Variants in AGPAT2 observed in about 807,000 individuals in gnomAD.
AGPAT2 encodes 1-acylglycerol-3-phosphate O-acyltransferase 2.
Under a neutral mutation model 26.1 loss-of-function variants are expected in AGPAT2, and 18 were observed. The observed-to-expected ratio is 0.69, with a 90% CI of 0.48 to 1.02. The LOEUF is 1.02. Among genes scored for constraint, AGPAT2 ranks in the 50% least tolerant of loss-of-function variants. The pLI, the probability that AGPAT2 is intolerant of heterozygous loss-of-function variation, is 0.00. For missense variants in AGPAT2, 415 were observed against 394.9 expected (o/e 1.05, Z -0.43); for synonymous variants, 200 against 174.2 (o/e 1.15, Z -1.16).
intron 1 of AGPAT2, among the ~76,000 whole-genome samples, chr9:136,685,994 C>T (rs1478138257): frequency 6.6e-6 from 1 of 152,224 alleles, no homozygotes; most frequent in Non-Finnish European, 1.5e-5. Flanking sequence ...GGACCCCGGC[C>T]TGGGCCACCT....
chr9:136,673,840 C>CGGTGGCA lies in AGPAT2; in HGVS notation c.742_748dup (p.Arg250LeufsTer229). 2 of 1,606,214 alleles carry CGGTGGCA rather than the reference C, an allele frequency of 1.2e-6. No individual in the cohort carries two copies. The highest frequency in any genetic ancestry group is 1.7e-6 in the Non-Finnish European group (2 of 1,177,994). ...GTGGAGGAAGGTGGTCCTCATGGCC[C>CGGTGGCA]GGTGGCAGGTGTCCACGAGCGCAGG... On this transcript the variant is annotated frameshift_variant, in exon 6 of 6. Coordinates refer to ENST00000371696, the MANE Select transcript of AGPAT2 (RefSeq NM_006412.4). LOFTEE classifies it low-confidence loss of function (END_TRUNC).
intron 3 of AGPAT2, 47 bp downstream of exon 3, chr9:136,676,914 G>GCCCCCCC: frequency 1.7e-6 from 1 of 578,420 alleles, no homozygotes; most frequent in Non-Finnish European, 3.1e-6. Flanking sequence ...GCCTGGCCCC[G>GCCCCCCC]CCCAGGCCCC....
chr9:136,681,456 G>A (rs906293490), intron 1 of AGPAT2, among the ~76,000 whole-genome samples: 33 of 152,254 alleles, frequency 2.2e-4, no homozygotes, highest in Admixed American at 1.4e-3. Flanking sequence ...GCGGTGTCCC[G>A]TACATAGTTC....
chr9:136,683,902 A>C (rs1846191356), intron 1 of AGPAT2, among the ~76,000 whole-genome samples: 1 of 152,196 alleles, frequency 6.6e-6, no homozygotes, highest in African/African-American at 2.4e-5. Flanking sequence ...ACTGGCCGGC[A>C]AATCTGGGTC....
In AGPAT2 at chr9:136,687,431, G is replaced by A; in HGVS notation, c.-74C>T. On this transcript the variant is annotated 5_prime_UTR_variant, in exon 1 of 6. Transcript: ENST00000371696. ...TCCCGCTTCTCCCCCGCGCGCTCAG[G>A]CCCCTTATTGCGAGGGCGGCGGGGC... 2 of 1,266,416 alleles carry A rather than the reference G, an allele frequency of 1.6e-6. No homozygotes were observed. Among genetic ancestry groups the A allele is most frequent in the Non-Finnish European group, 2.0e-6 (2 of 989,322 alleles). 78.4% of individuals were successfully genotyped at this position (1,266,416 alleles called of 1,614,324 possible).
At position 136,676,457 on chromosome 9, in the gene AGPAT2, A is replaced by G. The variant is rs17848857; in HGVS notation, c.588+128T>C. ...AAGGGGCAAGGAGGCCCTGTCCCCA[A>G]CTCAGTGGGAGGAGTCCCTTGTGTG... is the stretch of plus-strand genomic sequence containing the variant. On this transcript the variant is annotated intron_variant, in intron 4 of 5. Transcript: ENST00000371696. 1.3e-4 allele frequency: 95 copies of G among 733,180 alleles called. 1 individual carries two copies. In the East Asian group the frequency reaches 2.4e-3, roughly 18 times the overall value. 45.4% of individuals were successfully genotyped at this position (733,180 alleles called of 1,614,324 possible).
chr9:136,679,313 A>G (rs1846132283), intron 1 of AGPAT2, among the ~76,000 whole-genome samples: 1 of 152,084 alleles, frequency 6.6e-6, no homozygotes, highest in African/African-American at 2.4e-5. Context: ...TGATGGGGCA[A>G]TGCTCATGAC....
chr9:136,685,211 C>G (rs1032598030), intron 1 of AGPAT2, among the ~76,000 whole-genome samples: 3 of 152,224 alleles, frequency 2.0e-5, no homozygotes, highest in African/African-American at 7.2e-5. Flanking sequence ...AGCCACTACT[C>G]CACAGGCCTG....
At chr9:136,685,989 C>A (rs1052356538) in intron 1 of AGPAT2, among the ~76,000 whole-genome samples, 1 of 152,210 alleles carries the variant, frequency 6.6e-6, no homozygotes, top group Non-Finnish European at 1.5e-5. Context: ...CCCCGGGACC[C>A]CGGCCTGGGC....
rs550828083 is a variant in AGPAT2 at position 136,674,030 on chromosome 9, T to G, written c.662-103A>C. On this transcript the variant is annotated intron_variant, in intron 5 of 5. Coordinates refer to ENST00000371696, the MANE Select transcript of AGPAT2 (RefSeq NM_006412.4). ...TCCCCAGCCCCCCACAGCCCCTCCC[T>G]GGGAAGCCCGAGGCCGGGCTCTTCC... 6.5e-5 allele frequency: 79 copies of G among 1,208,262 alleles called. No individual in the cohort carries two copies. In the South Asian group the frequency reaches 1.2e-3, roughly 19 times the overall value. 74.8% of individuals were successfully genotyped at this position (1,208,262 alleles called of 1,614,324 possible).
At chr9:136,685,249 G>T (rs1846208160) in intron 1 of AGPAT2, among the ~76,000 whole-genome samples, 2 of 152,196 alleles carry the variant, frequency 1.3e-5, no homozygotes, top group Non-Finnish European at 2.9e-5. Flanking sequence ...GGAGAGGTGA[G>T]GGCGGCAGGA....
intron 1 of AGPAT2, among the ~76,000 whole-genome samples, chr9:136,682,446 C>T (rs1272793219): frequency 2.0e-5 from 3 of 152,236 alleles, no homozygotes; most frequent in Admixed American, 6.5e-5. Flanking sequence ...GGGCAGGTGT[C>T]GCTGTGCCAG....
chr9:136,673,849 G>A lies in AGPAT2; in HGVS notation c.740C>T (p.Thr247Ile), dbSNP rs958545912. Residue 247 changes from threonine to isoleucine, a missense_variant, in exon 6 of 6, where the codon ACC (threonine) becomes ATC (isoleucine). By Grantham distance (89) the Thr-to-Ile change is moderately conservative. Transcript: ENST00000371696. The part of the protein sequence containing the change: ...TAADVPALVD[T>I]CHRAMRTTFL... ...GGTGGTCCTCATGGCCCGGTGGCAG[G>A]TGTCCACGAGCGCAGGGACGTCCGC... 6.2e-6 allele frequency: 10 copies of A among 1,606,002 alleles called. No homozygotes were observed. The Admixed American group carries it at 1.0e-4, about 16-fold the overall frequency.
At chr9:136,682,296 G>A (rs940985737) in intron 1 of AGPAT2, among the ~76,000 whole-genome samples, 5 of 152,194 alleles carry the variant, frequency 3.3e-5, no homozygotes, top group African/African-American at 1.2e-4. Context: ...GAAGCTCAGA[G>A]CAGCCACTGT....
intron 1 of AGPAT2, among the ~76,000 whole-genome samples, chr9:136,685,678 C>T (rs577618100): frequency 7.6e-4 from 115 of 152,304 alleles, no homozygotes; most frequent in African/African-American, 2.7e-3. Flanking sequence ...AAGCCATTTC[C>T]TCGGGGTGGG....
At chr9:136,684,278 A>G (rs1846195112) in intron 1 of AGPAT2, among the ~76,000 whole-genome samples, 1 of 152,234 alleles carries the variant, frequency 6.6e-6, no homozygotes, top group South Asian at 2.1e-4. Flanking sequence ...ACCCAGCTGT[A>G]GGACACGGAG....
At chr9:136,679,309 G>A (rs1211044319) in intron 1 of AGPAT2, among the ~76,000 whole-genome samples, 1 of 152,148 alleles carries the variant, frequency 6.6e-6, no homozygotes, top group East Asian at 1.9e-4. Context: ...AGGCTGATGG[G>A]GCAATGCTCA....
intron 5 of AGPAT2, among the ~76,000 whole-genome samples, chr9:136,674,401 T>A (rs1846061471): frequency 6.6e-6 from 1 of 152,256 alleles, no homozygotes; most frequent in African/African-American, 2.4e-5. Flanking sequence ...CTGGGTTCCA[T>A]CTACCCTATG....
chr9:136,685,243 A>G (rs529474467), intron 1 of AGPAT2, among the ~76,000 whole-genome samples: 2 of 152,256 alleles, frequency 1.3e-5, no homozygotes, highest in East Asian at 1.9e-4. Context: ...TGCCCTGGAG[A>G]GGTGAGGGCG....
Sources: allele counts gnomAD v4.1 joint callset (sites outside exome capture counted in the v4.1 genomes callset), GRCh38; gene constraint gnomAD v4.1.1; transcripts MANE v1.5; gene names NCBI Gene and HGNC (gene_info 2026-07-23, HGNC 2026-07-21).